The following REG4 variants were observed in gnomAD, a reference collection of about 807,000 sequenced individuals.
The protein encoded by REG4 is regenerating family member 4.
A neutral mutation model predicts 22.3 loss-of-function variants in REG4; 16 were observed. The observed-to-expected ratio is 0.72, with a 90% CI of 0.49 to 1.09. The LOEUF (loss-of-function observed/expected upper bound fraction) is 1.09, where lower values mean the gene tolerates loss of function less well. REG4 is among the 50% of genes least tolerant of loss of function. The pLI, the probability that REG4 is intolerant of heterozygous loss-of-function variation, is 0.00. For missense variants in REG4, 214 were observed against 193.9 expected, an observed-to-expected ratio of 1.10 and a Z score of -0.61; for synonymous variants, 71 against 69.2, an observed-to-expected ratio of 1.03 and a Z score of -0.13.
At chr1:119,804,374 G>A (rs985531181) in intron 2 of REG4, among the ~76,000 whole-genome samples, 1 of 152,162 alleles carries the variant, frequency 6.6e-6, no homozygotes, top group Admixed American at 6.5e-5. Context: ...TAACCTGGTT[G>A]TATGCCCCTA....
chr1:119,794,847 A>T (rs1035720218), intron 5 of REG4, among the ~76,000 whole-genome samples, 162 bp from the exon 6 acceptor site: 1 of 152,200 alleles, frequency 6.6e-6, no homozygotes, highest in East Asian at 1.9e-4. Flanking sequence ...ATTGCTGCGA[A>T]GGTGTTTTTT....
At chr1:119,804,124 C>T (rs2101072149) in intron 2 of REG4, among the ~76,000 whole-genome samples, 1 of 152,302 alleles carries the variant, frequency 6.6e-6, no homozygotes, top group Middle Eastern at 3.4e-3. Context: ...CAAGTGTAGG[C>T]TTTGTGACTA....
chr1:119,798,386 T>G, intron 5 of REG4, 111 bp downstream of exon 5: 1 of 779,520 alleles, frequency 1.3e-6, no homozygotes, highest in Non-Finnish European at 2.2e-6. Context: ...AAAGAGTTGT[T>G]GGTGTGGAAT....
chr1:119,796,367 C>T (rs1653938950), intron 5 of REG4, among the ~76,000 whole-genome samples: 1 of 152,098 alleles, frequency 6.6e-6, no homozygotes, highest in Non-Finnish European at 1.5e-5. Context: ...GGAAACATTG[C>T]AAGCTGCAAT....
At chr1:119,803,433 C>T (rs865896150) in intron 2 of REG4, among the ~76,000 whole-genome samples, 7 of 152,180 alleles carry the variant, frequency 4.6e-5, no homozygotes, top group Middle Eastern at 3.2e-3. Flanking sequence ...CACTGCGGTC[C>T]ACCAGTCAGA....
chr1:119,802,580 A>G (rs1399809717), intron 3 of REG4: 2 of 1,192,454 alleles, frequency 1.7e-6, no homozygotes, highest in African/African-American at 1.6e-5. Flanking sequence ...ACGAAATAAA[A>G]TGGACAGGTT....
chr1:119,808,644 C>T, intron 2 of REG4, 59 bp downstream of exon 2: 2 of 1,214,596 alleles, frequency 1.6e-6, no homozygotes, highest in Non-Finnish European at 2.4e-6. Context: ...ATGACTGTCT[C>T]ACATGGGCTG....
intron 2 of REG4, among the ~76,000 whole-genome samples, chr1:119,807,366 G>A (rs1003720118): frequency 1.3e-5 from 2 of 152,248 alleles, no homozygotes; most frequent in Non-Finnish European, 2.9e-5. Flanking sequence ...CTATCTGGAA[G>A]AGAGAAATTG....
intron 3 of REG4, chr1:119,802,292 T>C: frequency 1.0e-6 from 1 of 966,236 alleles, no homozygotes; most frequent in South Asian, 4.8e-5. Context: ...AATCCTGCAT[T>C]AATCCTGGGC....
In REG4 at chr1:119,803,020, G is replaced by A. The variant is rs587693920; in HGVS notation, c.165+48C>T. ...CAAATGAGATCTGGGGCTCTGGCTGGTCCTTTGCTCTAGAAAGGCCAGGCC... is the reference window on the plus strand; with the variant it reads ...CAAATGAGATCTGGGGCTCTGGCTGATCCTTTGCTCTAGAAAGGCCAGGCC... On this transcript the variant is annotated intron_variant, in intron 3 of 5. Coordinates refer to ENST00000256585, the MANE Select transcript of REG4 (RefSeq NM_032044.4). 4.3e-6 allele frequency: 7 copies of A among 1,611,254 alleles called. No homozygotes were observed. In the East Asian group the frequency reaches 1.3e-4, roughly 31 times the overall value.
At chr1:119,809,091 C>T (rs897649856) in intron 1 of REG4, 1 of 218,792 alleles carries the variant, frequency 4.6e-6, no homozygotes, top group Non-Finnish European at 8.9e-6. Context: ...GTTTCATAGT[C>T]TGCATGGAGG....
chr1:119,799,626 C>T (rs918281820), intron 4 of REG4, 99 bp downstream of exon 4: 37 of 1,466,392 alleles, frequency 2.5e-5, no homozygotes, highest in Non-Finnish European at 3.2e-5. Flanking sequence ...AGAAGATCCA[C>T]CCGCTGTGTC....
At chr1:119,810,760 A>C (rs1438367526) in intron 1 of REG4, among the ~76,000 whole-genome samples, 5 of 152,176 alleles carry the variant, frequency 3.3e-5, no homozygotes, top group Non-Finnish European at 7.3e-5. Flanking sequence ...GTTCATAAGT[A>C]AGCTGCACTG....
At position 119,794,533 on chromosome 1, in the gene REG4, C is replaced by T. The variant is rs1016770408; in HGVS notation, c.*85G>A. ...ACTCTTAGTTTGCTAGGTTTCCCCT[C>T]TGAAATAATGAGCAGATTTAGCCAG... On this transcript the variant is annotated 3_prime_UTR_variant, in exon 6 of 6. Transcript: ENST00000256585. 8 of 1,279,860 alleles carry T rather than the reference C, an allele frequency of 6.3e-6. No individual in the cohort carries two copies. In the Admixed American group the frequency reaches 1.4e-4, roughly 22 times the overall value. 79.3% of individuals were successfully genotyped at this position (1,279,860 alleles called of 1,614,324 possible).
chr1:119,803,004 T>A, intron 3 of REG4, 64 bp downstream of exon 3: 1 of 1,605,538 alleles, frequency 6.2e-7, no homozygotes, highest in South Asian at 1.1e-5. Flanking sequence ...TCAAATGAGA[T>A]CTGGGGCTCT....
rs757089012 is a variant in REG4, at chr1:119,798,548, C to G, written c.358G>C (p.Gly120Arg). 7.4e-6 allele frequency: 12 copies of G among 1,614,182 alleles called. No individual in the cohort carries two copies. The highest frequency in any genetic ancestry group is 1.6e-4 in the Middle Eastern group (1 of 6,062). Residue 120 changes from glycine (G) to arginine (R), a missense_variant, in exon 5 of 6, where the codon GGC becomes CGC. By Grantham distance (125) the Gly-to-Arg change is moderately radical. Transcript: ENST00000256585. ...TGCTTGTTCCCACCCATGGACTTGC[C>G]AGACCAGGATCTGTACAGATACATG... ...GAMYLYRSWS[G>R]KSMGGNKHCA...
chr1:119,794,871 G>A (rs148635792), intron 5 of REG4, among the ~76,000 whole-genome samples, 186 bp from the exon 6 acceptor site: 120 of 152,304 alleles, frequency 7.9e-4, no homozygotes, highest in African/African-American at 2.6e-3. Flanking sequence ...TGTGATTAAC[G>A]TTTAACAATC....
At chr1:119,805,772 T>C (rs1165115188) in intron 2 of REG4, among the ~76,000 whole-genome samples, 2 of 152,152 alleles carry the variant, frequency 1.3e-5, no homozygotes, top group African/African-American at 4.8e-5. Context: ...TGCCTATGAC[T>C]GTCTGTTCCC....
chr1:119,796,127 G>A (rs587699639), intron 5 of REG4, among the ~76,000 whole-genome samples: 86 of 152,282 alleles, frequency 5.6e-4, no homozygotes, highest in African/African-American at 1.9e-3. Context: ...CAGATGATTA[G>A]GGCGATTATT....
Sources: gnomAD v4.1 joint callset for allele counts (sites outside exome capture counted in the v4.1 genomes callset) on GRCh38, gnomAD v4.1.1 for gene constraint, MANE v1.5 for transcripts, NCBI Gene and HGNC (gene_info 2026-07-23, HGNC 2026-07-21) for gene names.